COL9A1: variants seen among roughly 807,000 people sequenced by gnomAD.
COL9A1 encodes the protein collagen type IX alpha 1 chain.
Under a neutral mutation model 142.6 loss-of-function variants are expected in COL9A1, and 104 were observed. That is an observed-to-expected ratio of 0.73 (90% CI 0.62 to 0.86). The LOEUF (loss-of-function observed/expected upper bound fraction) is 0.86, where lower values mean the gene tolerates loss of function less well. COL9A1 is among the 40% of genes least tolerant of loss of function. The pLI is 0.00. For missense variants in COL9A1, 1,210 were observed against 1,176.6 expected (o/e 1.03, Z -0.42); for synonymous variants, 466 against 396.0 (o/e 1.18, Z -2.10).
At chr6:70,253,179 T>G (rs1034951685) in intron 26 of COL9A1, 3 of 474,302 alleles carry the variant, frequency 6.3e-6, no homozygotes, top group Admixed American at 3.5e-5. Flanking sequence ...ATTAAGGAAA[T>G]CTAATTAGCA....
At position 70,272,124 on chromosome 6, in the gene COL9A1, G is replaced by T. The variant is rs77357454; in HGVS notation, c.1066-36C>A. ...ACAATAAAAATGGTTATAGCTTGAG[G>T]TTTATACTTAGTATAAATATGAATG... is the stretch of plus-strand genomic sequence containing the variant. On this transcript the variant is annotated intron_variant, in intron 12 of 37. Coordinates refer to ENST00000357250, the MANE Select transcript of COL9A1 (RefSeq NM_001851.6). 0.058 allele frequency: 91,811 copies of T among 1,572,138 alleles called. 3,107 individuals are homozygous for T. Among genetic ancestry groups the T allele is most frequent in the Non-Finnish European group, 0.068 (77,467 of 1,145,984 alleles).
In COL9A1 at chr6:70,303,002, C is replaced by T. The variant is rs1774130762; in HGVS notation, c.-78G>A. Reference sequence around the variant, plus strand: ...GAAGGGAGTCACTGTCCCCTCACGACCCCTTCACTGTTACCCTAGGACTAT... The same window carrying T: ...GAAGGGAGTCACTGTCCCCTCACGATCCCTTCACTGTTACCCTAGGACTAT... On this transcript the variant is annotated 5_prime_UTR_variant, in exon 1 of 38. Transcript: ENST00000357250. The T allele has an allele frequency of 1.4e-6, 2 of 1,438,554 alleles. No individual in the cohort carries two copies. The highest frequency in any genetic ancestry group is 2.0e-6 in the Non-Finnish European group (2 of 1,020,368). 89.1% of individuals were successfully genotyped at this position (1,438,554 alleles called of 1,614,324 possible). A position where few individuals can be genotyped will look rare whatever the true frequency, so the allele number is the denominator to read the frequency against.
intron 14 of COL9A1, 74 bp downstream of exon 14, chr6:70,271,581 G>C: frequency 7.6e-7 from 1 of 1,322,310 alleles, no homozygotes; most frequent in Non-Finnish European, 1.1e-6. Context: ...TGTACAGTTA[G>C]GGTAATTTGC....
rs1301587637 is a variant in COL9A1 at position 70,287,853 on chromosome 6, ATCCC to A, written c.697-4037_697-4034del. Among the ~76,000 whole-genome samples, 6 of 152,052 alleles carry A rather than the reference ATCCC, an allele frequency of 3.9e-5. No homozygotes were observed. The East Asian group carries it at 1.2e-3, about 29-fold the overall frequency. ...CTCCTGGTCCTCTCCTATATTACAG[ATCCC>A]TCCTTCTTAATCTCTTTTGACAAAT... On this transcript the variant is annotated intron_variant, in intron 5 of 37. Coordinates refer to ENST00000357250, the MANE Select transcript of COL9A1 (RefSeq NM_001851.6).
chr6:70,240,448 C>T (rs1370908503), intron 32 of COL9A1, among the ~76,000 whole-genome samples: 1 of 152,016 alleles, frequency 6.6e-6, no homozygotes, highest in Non-Finnish European at 1.5e-5. Context: ...CCAGATCTAT[C>T]AATATGGCAA....
At chr6:70,302,209 T>A in intron 1 of COL9A1, 135 bp from the exon 2 acceptor site, 1 of 434,514 alleles carries the variant, frequency 2.3e-6, no homozygotes, top group Non-Finnish European at 3.6e-6. Context: ...CATTTCTTTT[T>A]TTTTTTTTTT....
intron 5 of COL9A1, among the ~76,000 whole-genome samples, chr6:70,290,172 C>T (rs1773604847): frequency 6.6e-6 from 1 of 152,140 alleles, no homozygotes; most frequent in Admixed American, 6.5e-5. Context: ...CCCAAACTCC[C>T]AGCATATATC....
At chr6:70,281,592 C>T (rs921194402) in intron 7 of COL9A1, 128 bp from the exon 8 acceptor site, 2 of 661,704 alleles carry the variant, frequency 3.0e-6, no homozygotes, top group African/African-American at 1.8e-5. Context: ...GGTTTTGCAA[C>T]CCAACGCAAA....
intron 10 of COL9A1, chr6:70,280,484 C>T (rs1773075155): frequency 2.3e-6 from 3 of 1,307,426 alleles, no homozygotes; most frequent in East Asian, 6.8e-5. Flanking sequence ...TATTGCCATC[C>T]GTACCCCCTC....
At chr6:70,280,755 T>A in intron 10 of COL9A1, 57 bp downstream of exon 10, 5 of 1,518,208 alleles carry the variant, frequency 3.3e-6, no homozygotes, top group Non-Finnish European at 4.5e-6. Flanking sequence ...AACACACACT[T>A]ACTCGTACCC....
chr6:70,252,175 T>C lies in COL9A1; in HGVS notation c.1819-2A>G. ...CTCTCCTGGAGGCCCCTGTTGGCCC[T>C]GTTATCAGGAAGGAAGGTAGAAAAA... On this transcript the variant is annotated splice_acceptor_variant, in intron 27 of 37. Coordinates refer to ENST00000357250, the MANE Select transcript of COL9A1 (RefSeq NM_001851.6). LOFTEE classifies it high-confidence loss of function. 6.2e-7 allele frequency: 1 copy of C among 1,614,194 alleles called. No homozygotes were observed. Among genetic ancestry groups the C allele is most frequent in the Non-Finnish European group, 8.5e-7 (1 of 1,180,022 alleles).
chr6:70,269,607 A>G, intron 16 of COL9A1, 26 bp downstream of exon 16: 1 of 1,524,074 alleles, frequency 6.6e-7, no homozygotes. Context: ...TTAAAACTAT[A>G]TTTTGTTCAA....
intron 14 of COL9A1, among the ~76,000 whole-genome samples, chr6:70,270,906 C>G (rs16868858): frequency 6.6e-6 from 1 of 152,146 alleles, no homozygotes; most frequent in Admixed American, 6.5e-5. Flanking sequence ...CGAAGTAAAC[C>G]GTTCAGATGA....
chr6:70,255,209 G>A lies in COL9A1; in HGVS notation c.1558-6C>T. Reference sequence around the variant, plus strand: ...CCTCTAGCACCTTCAGCCCCCTGCAGGGAGGAAGAGAAAGAATAGACAAGA... The same window carrying A: ...CCTCTAGCACCTTCAGCCCCCTGCAAGGAGGAAGAGAAAGAATAGACAAGA... On this transcript the variant is annotated splice_region_variant and splice_polypyrimidine_tract_variant and intron_variant, in intron 22 of 37. Transcript: ENST00000357250. The A allele has an allele frequency of 1.2e-6, 2 of 1,614,140 alleles. No individual in the cohort carries two copies. The highest frequency in any genetic ancestry group is 8.5e-7 in the Non-Finnish European group (1 of 1,180,008).
intron 37 of COL9A1, 144 bp from the exon 38 acceptor site, chr6:70,217,225 ATG>A: frequency 1.5e-6 from 1 of 648,228 alleles, no homozygotes; most frequent in Non-Finnish European, 2.7e-6. Context: ...ATGATTGGTG[ATG>A]ATGATGATGA....
chr6:70,290,941 T>C (rs564830341), intron 5 of COL9A1, among the ~76,000 whole-genome samples: 2 of 152,156 alleles, frequency 1.3e-5, no homozygotes, highest in Non-Finnish European at 2.9e-5. Flanking sequence ...ATTGAATATT[T>C]GCCATCTCCA....
intron 5 of COL9A1, among the ~76,000 whole-genome samples, chr6:70,293,922 T>C (rs1284019397): frequency 6.6e-6 from 1 of 152,214 alleles, no homozygotes; most frequent in African/African-American, 2.4e-5. Flanking sequence ...GTACACAATA[T>C]GTGCCACATC....
chr6:70,267,370 T>A (rs1281201076), intron 17 of COL9A1, among the ~76,000 whole-genome samples: 6 of 150,866 alleles, frequency 4.0e-5, no homozygotes, highest in Non-Finnish European at 8.9e-5. Context: ...TTGCTCAGGC[T>A]GGAGTGCAAT....
intron 20 of COL9A1, 70 bp downstream of exon 20, chr6:70,260,587 A>C: frequency 2.4e-6 from 3 of 1,243,338 alleles, no homozygotes; most frequent in African/African-American, 1.5e-5. Context: ...ATAAAAAGTT[A>C]TGTTTAAACG....
Sources: allele counts gnomAD v4.1 joint callset (sites outside exome capture counted in the v4.1 genomes callset), GRCh38; gene constraint gnomAD v4.1.1; transcripts MANE v1.5; gene names NCBI Gene and HGNC (gene_info 2026-07-23, HGNC 2026-07-21).